Variants in PCDH10 observed in about 807,000 individuals in gnomAD.
PCDH10 encodes protocadherin-10.
In PCDH10, 15 loss-of-function variants were observed where a neutral mutation model predicts 74.4. That is an observed-to-expected ratio of 0.20 (90% CI 0.13 to 0.31). The LOEUF (loss-of-function observed/expected upper bound fraction) is 0.31, where lower values mean the gene tolerates loss of function less well. Ranked by LOEUF, PCDH10 falls within the 10% of genes least tolerant of loss-of-function variation. The probability of loss-of-function intolerance (pLI) is 1.00; values close to 1 mark genes in which losing one functional copy is unlikely to be tolerated. For missense variants in PCDH10, 1,260 were observed against 1,390.2 expected (o/e 0.91, Z 1.49); for synonymous variants, 619 against 589.8 (o/e 1.05, Z -0.72).
intron 4 of PCDH10, among the ~76,000 whole-genome samples, chr4:133,173,865 G>A (rs1422157039): frequency 6.6e-6 from 1 of 151,772 alleles, no homozygotes; most frequent in African/African-American, 2.4e-5. Flanking sequence ...GTATGAAAAT[G>A]TCAAATATAT....
At chr4:133,161,222 C>T (rs1726963863) in intron 3 of PCDH10, among the ~76,000 whole-genome samples, 1 of 151,996 alleles carries the variant, frequency 6.6e-6, no homozygotes, top group Admixed American at 6.6e-5. Context: ...GGAAAATTAT[C>T]AGTGAAATAT....
chr4:133,199,331 A>G (rs2125876959), downstream of PCDH10, among the ~76,000 whole-genome samples: 1 of 137,976 alleles, frequency 7.2e-6, no homozygotes, highest in Non-Finnish European at 1.6e-5. Flanking sequence ...ATAATAATTA[A>G]TTAAATAGCA....
chr4:133,201,942 G>A (rs1298054514), intron 2 of PCDH10, among the ~76,000 whole-genome samples: 1 of 151,908 alleles, frequency 6.6e-6, no homozygotes. Flanking sequence ...ATCTTTGGGA[G>A]CAGAGTGAAG....
intron 4 of PCDH10, among the ~76,000 whole-genome samples, chr4:133,189,177 G>C (rs1246767772): frequency 6.6e-6 from 1 of 152,070 alleles, no homozygotes; most frequent in Non-Finnish European, 1.5e-5. Flanking sequence ...AACCATTTAT[G>C]AGATTAAAAT....
At chr4:133,196,303 G>A (rs985850106), downstream of PCDH10, among the ~76,000 whole-genome samples, 1 of 152,084 alleles carries the variant, frequency 6.6e-6, no homozygotes, top group African/African-American at 2.4e-5. Flanking sequence ...TGGGTGGGGG[G>A]ACCAGTGAAT....
chr4:133,160,083 A>G (rs1371199559), intron 3 of PCDH10, among the ~76,000 whole-genome samples: 1 of 152,004 alleles, frequency 6.6e-6, no homozygotes, highest in Non-Finnish European at 1.5e-5. Context: ...ATAACAAATG[A>G]AAAAATCAAT....
At chr4:133,157,896 G>A (rs1726898086) in intron 3 of PCDH10, among the ~76,000 whole-genome samples, 1 of 151,922 alleles carries the variant, frequency 6.6e-6, no homozygotes, top group Non-Finnish European at 1.5e-5. Context: ...CTTTAAACAC[G>A]AAGGCAGCTG....
chr4:133,181,200 A>G (rs1053403202), intron 4 of PCDH10, among the ~76,000 whole-genome samples: 4 of 152,058 alleles, frequency 2.6e-5, no homozygotes, highest in African/African-American at 9.6e-5. Context: ...TAATCATAAT[A>G]CAAAGAAATA....
At chr4:133,188,665 GTTTTTTTTTTT>G (rs1167321577) in intron 4 of PCDH10, among the ~76,000 whole-genome samples, 1 of 74,664 alleles carries the variant, frequency 1.3e-5, no homozygotes, top group African/African-American at 5.5e-5. Flanking sequence ...ACTGCTATGG[GTTTTTTTTTTT>G]TTTTTTTTTT....
intron 2 of PCDH10, among the ~76,000 whole-genome samples, chr4:133,199,761 A>AATTATTATTATT (rs10682546): frequency 6.8e-6 from 1 of 146,328 alleles, no homozygotes; most frequent in East Asian, 2.0e-4. Flanking sequence ...AGTTGTTTTT[A>AATTATTATTATT]ATTATTATTA....
chr4:133,166,618 CA>C (rs1727087743), intron 4 of PCDH10, among the ~76,000 whole-genome samples: 1 of 151,356 alleles, frequency 6.6e-6, no homozygotes, highest in Non-Finnish European at 1.5e-5. Context: ...CTAGTTAAAA[CA>C]CTTTAATATT....
chr4:133,150,542 C>T lies in PCDH10; in HGVS notation c.402C>T (p.Ser134=). The T allele has an allele frequency of 2.5e-6, 4 of 1,613,740 alleles. No homozygotes were observed. The highest frequency in any genetic ancestry group is 3.4e-6 in the Non-Finnish European group (4 of 1,179,948). ...EPDLTVEISE[S]ATPGTRFPLE... Reference sequence around the variant, plus strand: ...ACCTGACGGTGGAAATCTCTGAGAGCGCCACGCCAGGCACTCGCTTCCCCT... The same window carrying T: ...ACCTGACGGTGGAAATCTCTGAGAGTGCCACGCCAGGCACTCGCTTCCCCT... Residue 134 remains serine, a synonymous_variant, in exon 1 of 5, where the codon AGC becomes AGT. Transcript: ENST00000264360.
intron 4 of PCDH10, among the ~76,000 whole-genome samples, chr4:133,165,253 C>T (rs918991783): frequency 6.6e-6 from 1 of 150,594 alleles, no homozygotes; most frequent in South Asian, 2.1e-4. Flanking sequence ...GTTGTTTTCA[C>T]TTCTGCTCTT....
intron 4 of PCDH10, among the ~76,000 whole-genome samples, chr4:133,164,508 G>T (rs1174977905): frequency 6.6e-6 from 1 of 151,850 alleles, no homozygotes; most frequent in African/African-American, 2.4e-5. Context: ...AAAGTGAAGG[G>T]TATATGATTC....
downstream of PCDH10, among the ~76,000 whole-genome samples, chr4:133,197,050 T>C (rs1369320005): frequency 6.6e-6 from 1 of 152,182 alleles, no homozygotes; most frequent in Non-Finnish European, 1.5e-5. Context: ...ATCAGCTCAG[T>C]TCATATTTGC....
At chr4:133,176,788 G>A (rs1727305030) in intron 4 of PCDH10, among the ~76,000 whole-genome samples, 1 of 151,998 alleles carries the variant, frequency 6.6e-6, no homozygotes, top group African/African-American at 2.4e-5. Flanking sequence ...ACTTTTAAAA[G>A]TTCATATTCT....
intron 4 of PCDH10, 58 bp from the exon 5 acceptor site, chr4:133,190,083 T>G (rs965950052): frequency 4.3e-6 from 6 of 1,409,076 alleles, no homozygotes; most frequent in Non-Finnish European, 5.0e-6. Context: ...TAATGTGTAA[T>G]TCTAAACTCC....
intron 4 of PCDH10, among the ~76,000 whole-genome samples, chr4:133,166,304 CA>C: frequency 6.6e-6 from 1 of 151,594 alleles, no homozygotes; most frequent in East Asian, 1.9e-4. Flanking sequence ...ATTAAAAACA[CA>C]AAAATACCAT....
At chr4:133,163,341 A>C in intron 4 of PCDH10, 59 bp downstream of exon 4, 1 of 1,415,512 alleles carries the variant, frequency 7.1e-7, no homozygotes, top group Non-Finnish European at 9.5e-7. Flanking sequence ...AAAGTTCAAC[A>C]TTCCACTCTT....
Sources: allele counts gnomAD v4.1 joint callset (sites outside exome capture counted in the v4.1 genomes callset), GRCh38; gene constraint gnomAD v4.1.1; transcripts MANE v1.5; gene names NCBI Gene and HGNC (gene_info 2026-07-23, HGNC 2026-07-21).